The following DIAPH2 variants were observed in gnomAD, a reference collection of about 807,000 sequenced individuals.
The protein encoded by DIAPH2 is diaphanous related formin 2.
A neutral mutation model predicts 92.7 loss-of-function variants in DIAPH2; 35 were observed. That is an observed-to-expected ratio of 0.38 (90% CI 0.29 to 0.50). The LOEUF (loss-of-function observed/expected upper bound fraction) is 0.50. Ranked by LOEUF, DIAPH2 falls within the 20% of genes least tolerant of loss-of-function variation. The probability of loss-of-function intolerance (pLI) is 0.94; values close to 1 mark genes in which losing one functional copy is unlikely to be tolerated. For missense variants in DIAPH2, 701 were observed against 819.5 expected (o/e 0.86, Z 1.77); for synonymous variants, 301 against 280.4 (o/e 1.07, Z -0.73).
chrX:96,807,154 T>A (rs905121632), intron 4 of DIAPH2, among the ~76,000 whole-genome samples: 1 of 112,443 alleles, frequency 8.9e-6, no homozygotes, highest in Non-Finnish European at 1.9e-5. Flanking sequence ...ATAGATGTTC[T>A]GGACTTATTG....
intron 23 of DIAPH2, among the ~76,000 whole-genome samples, chrX:97,256,519 A>T (rs2068237699): frequency 8.9e-6 from 1 of 112,416 alleles, no homozygotes; most frequent in Non-Finnish European, 1.9e-5. Context: ...AATGCAGAAA[A>T]ATATATCAGT....
At chrX:96,844,955 T>C (rs968508384) in intron 4 of DIAPH2, among the ~76,000 whole-genome samples, 4 of 112,250 alleles carry the variant, frequency 3.6e-5, no homozygotes, top group African/African-American at 9.7e-5. Context: ...TTATGATTTA[T>C]TTTAAAACAC....
chrX:97,438,021 C>T (rs151271898), intron 26 of DIAPH2, among the ~76,000 whole-genome samples: 2,931 of 107,355 alleles, frequency 0.027, 34 homozygotes, highest in Non-Finnish European at 0.039. Flanking sequence ...TACCTAAGAG[C>T]TGGGCATGGA....
intron 26 of DIAPH2, among the ~76,000 whole-genome samples, chrX:97,484,292 A>G (rs920923745): frequency 9.0e-6 from 1 of 111,635 alleles, no homozygotes; most frequent in Admixed American, 9.5e-5. Flanking sequence ...TACCATTACT[A>G]GTTGTGTAAA....
At chrX:97,579,078 G>A (rs1297831299) in intron 26 of DIAPH2, among the ~76,000 whole-genome samples, 1 of 107,085 alleles carries the variant, frequency 9.3e-6, no homozygotes, top group African/African-American at 3.4e-5. Context: ...TTAGCCCTTT[G>A]TCACATGAGT....
At chrX:96,932,510 C>T (rs1190783204) in intron 10 of DIAPH2, among the ~76,000 whole-genome samples, 1 of 111,060 alleles carries the variant, frequency 9.0e-6, no homozygotes, top group Non-Finnish European at 1.9e-5. Flanking sequence ...CATTTGGTTA[C>T]ACAGACAGCT....
chrX:96,965,238 C>T (rs759487612), intron 17 of DIAPH2, 31 bp downstream of exon 17: 28 of 1,051,828 alleles, frequency 2.7e-5, no homozygotes, highest in African/African-American at 7.7e-5. Context: ...TATAAGTTCC[C>T]GATTCAGGTA....
intron 25 of DIAPH2, among the ~76,000 whole-genome samples, chrX:97,412,056 A>G (rs1225674819): frequency 8.9e-6 from 1 of 112,001 alleles, no homozygotes. Flanking sequence ...AGCAGACCTA[A>G]TAGACATCTA....
intron 26 of DIAPH2, among the ~76,000 whole-genome samples, chrX:97,439,349 G>T (rs1312119321): frequency 1.8e-5 from 2 of 110,740 alleles, no homozygotes; most frequent in African/African-American, 6.6e-5. Context: ...CCGAGGCAGG[G>T]GGATCACAAG....
chrX:97,108,000 C>T (rs1459552908), intron 20 of DIAPH2, among the ~76,000 whole-genome samples: 2 of 109,306 alleles, frequency 1.8e-5, no homozygotes, highest in African/African-American at 6.7e-5. Flanking sequence ...CATTTGTGCT[C>T]TTTTCCTTTC....
At chrX:97,209,015 C>G (rs2067819279) in intron 22 of DIAPH2, among the ~76,000 whole-genome samples, 1 of 110,480 alleles carries the variant, frequency 9.1e-6, no homozygotes, top group Non-Finnish European at 1.9e-5. Context: ...ATAATCATTT[C>G]TAATTATTAT....
chrX:96,987,409 A>G (rs920130482), intron 17 of DIAPH2, among the ~76,000 whole-genome samples: 5 of 111,450 alleles, frequency 4.5e-5, no homozygotes, highest in Non-Finnish European at 9.5e-5. Context: ...CAGAATGGTT[A>G]TTACTCCATT....
intron 22 of DIAPH2, among the ~76,000 whole-genome samples, chrX:97,166,034 T>C (rs1046981270): frequency 1.8e-5 from 2 of 111,081 alleles, no homozygotes; most frequent in Non-Finnish European, 3.8e-5. Context: ...TGTGCGTTCA[T>C]TGAGAATAAC....
At chrX:97,054,383 G>A (rs1442540474) in intron 17 of DIAPH2, among the ~76,000 whole-genome samples, 1 of 111,672 alleles carries the variant, frequency 9.0e-6, no homozygotes, top group Non-Finnish European at 1.9e-5. Context: ...ATGGCTTTGA[G>A]TGACTCACAC....
intron 22 of DIAPH2, among the ~76,000 whole-genome samples, chrX:97,235,387 T>C (rs2068039721): frequency 9.0e-6 from 1 of 110,699 alleles, no homozygotes; most frequent in Admixed American, 9.7e-5. Flanking sequence ...GGGTGGATCA[T>C]GAGGTCAGGA....
At chrX:97,232,338 G>A (rs918525060) in intron 22 of DIAPH2, among the ~76,000 whole-genome samples, 6 of 111,421 alleles carry the variant, frequency 5.4e-5, no homozygotes, top group Admixed American at 9.6e-5. Flanking sequence ...GGGTTCAAGC[G>A]ATTCTCCTGT....
At chrX:97,306,676 T>C (rs975826755) in intron 23 of DIAPH2, among the ~76,000 whole-genome samples, 1 of 111,780 alleles carries the variant, frequency 8.9e-6, no homozygotes, top group Non-Finnish European at 1.9e-5. Flanking sequence ...AATTTCTTTG[T>C]ATCTGGGTGG....
rs1053296049 is a variant in DIAPH2 at position 97,373,084 on chromosome X, T to G, written c.3010-10825T>G. ...CAAAATTAGAACACTTCTTTTAACT[T>G]TGGAGACTCAATGTAAACACTAATC... On this transcript the variant is annotated intron_variant, in intron 24 of 26. Coordinates refer to ENST00000324765, the MANE Select transcript of DIAPH2 (RefSeq NM_006729.5). Among the ~76,000 whole-genome samples the G allele has an allele frequency of 8.9e-5, 10 of 112,237 alleles. No individual in the cohort carries two copies. In the East Asian group the frequency reaches 2.8e-3, roughly 31 times the overall value.
In DIAPH2 at chrX:97,461,389, T is replaced by C. The variant is rs185380910; in HGVS notation, c.3241+31644T>C. On this transcript the variant is annotated intron_variant, in intron 26 of 26. Coordinates refer to ENST00000324765, the MANE Select transcript of DIAPH2 (RefSeq NM_006729.5). The stretch of plus-strand genomic sequence containing the variant: ...ACAGTTCACTTGTAGGGAGTTATTT[T>C]TTTTCTTTTAAACAGAACATAACAA... Among the ~76,000 whole-genome samples the C allele has an allele frequency of 9.3e-3, 1,035 of 111,723 alleles. 12 individuals carry two copies. The highest frequency in any genetic ancestry group is 0.032 in the African/African-American group (972 of 30,777).
Sources: allele counts gnomAD v4.1 joint callset (sites outside exome capture counted in the v4.1 genomes callset), GRCh38; gene constraint gnomAD v4.1.1; transcripts MANE v1.5; gene names NCBI Gene and HGNC (gene_info 2026-07-23, HGNC 2026-07-21).